TCERG1L: variants seen among roughly 807,000 people sequenced by gnomAD.
TCERG1L encodes transcription elongation regulator 1-like protein.
TCERG1L carries 37 observed loss-of-function variants against 56.3 expected under a neutral mutation model. That is an observed-to-expected ratio of 0.66 (90% confidence interval 0.51 to 0.87). TCERG1L has a LOEUF of 0.87. Among genes scored for constraint, TCERG1L ranks in the 40% least tolerant of loss-of-function variants. The pLI, the probability that TCERG1L is intolerant of heterozygous loss-of-function variation, is 0.00. For synonymous variants in TCERG1L, 324 were observed against 326.3 expected, an observed-to-expected ratio of 0.99 and a Z score of 0.08; for missense variants, 799 against 774.2, an observed-to-expected ratio of 1.03 and a Z score of -0.38.
chr10:131,293,146 C>T lies in TCERG1L; in HGVS notation c.670+15065G>A, dbSNP rs1030294086. 1.2e-4 allele frequency among the ~76,000 whole-genome samples: 18 copies of T among 152,132 alleles called. 1 individual carries two copies. The highest frequency in any genetic ancestry group is 4.1e-4 in the African/African-American group (17 of 41,442). On this transcript the variant is annotated intron_variant, in intron 3 of 11. Coordinates refer to ENST00000368642, the MANE Select transcript of TCERG1L (RefSeq NM_174937.4). ...GATTAAAGGCATGAGCCACTATGCCCGGTCTTATTTCTGTTTTTAAAATCG... is the reference window on the plus strand; with the variant it reads ...GATTAAAGGCATGAGCCACTATGCCTGGTCTTATTTCTGTTTTTAAAATCG...
At position 131,311,670 on chromosome 10, in the gene TCERG1L, G is replaced by T. The variant is rs1398291669; in HGVS notation, c.-35C>A. 2.1e-5 allele frequency: 22 copies of T among 1,068,370 alleles called. No homozygotes were observed. Among genetic ancestry groups the T allele is most frequent in the Admixed American group, 5.1e-5 (1 of 19,490 alleles). The allele number at this position is 1,068,370 out of a possible 1,614,324, so 66.2% of individuals were successfully genotyped here. ...CCGCGCTGACGGCGGCGGCGGGGGC[G>T]GCGGGCGCCCGAGATGCTGGGCCGG... On this transcript the variant is annotated 5_prime_UTR_variant, in exon 1 of 12. Coordinates refer to ENST00000368642, the MANE Select transcript of TCERG1L (RefSeq NM_174937.4). This position sits in a 1 kb window ranked among gnomAD's most constrained non-coding sequence, Gnocchi z 4.0.
intron 3 of TCERG1L, among the ~76,000 whole-genome samples, chr10:131,269,603 G>A (rs914576296): frequency 3.3e-5 from 5 of 152,196 alleles, no homozygotes; most frequent in Non-Finnish European, 7.3e-5. Context: ...GACATTGATA[G>A]ATTAACCTCC....
intron 7 of TCERG1L, among the ~76,000 whole-genome samples, chr10:131,145,461 G>A (rs539398722): frequency 6.6e-6 from 1 of 152,322 alleles, no homozygotes; most frequent in African/African-American, 2.4e-5. Context: ...AGTTGATCCA[G>A]TCTCTGGATA....
rs746580995 is a variant in TCERG1L at position 131,103,036 on chromosome 10, G to A, written c.1485+1229C>T. The stretch of plus-strand genomic sequence containing the variant: ...CTCTAATCAATTCCGTGTTTTCTGG[G>A]TGGCGTTTTGTAGAACTCCACCCTT... On this transcript the variant is annotated intron_variant, in intron 10 of 11. Transcript: ENST00000368642. The surrounding 1 kb of genome is among the most constrained non-coding windows in gnomAD (Gnocchi z 4.3). 6.6e-6 allele frequency among the ~76,000 whole-genome samples: 1 copy of A among 151,894 alleles called. No homozygotes were observed. Among genetic ancestry groups the A allele is most frequent in the African/African-American group, 2.4e-5 (1 of 41,372 alleles).
At chr10:131,262,433 C>T (rs560397287) in intron 3 of TCERG1L, among the ~76,000 whole-genome samples, 103 of 152,264 alleles carry the variant, frequency 6.8e-4, no homozygotes, top group African/African-American at 2.1e-3. Context: ...GGCAGAATTA[C>T]GGCTGATTTT....
At chr10:131,099,086 G>A (rs183472680) in intron 10 of TCERG1L, among the ~76,000 whole-genome samples, 1 of 152,282 alleles carries the variant, frequency 6.6e-6, no homozygotes, top group Non-Finnish European at 1.5e-5. Flanking sequence ...GAAACAACTG[G>A]CCAGGAGGCC....
rs1845995487 is a variant in TCERG1L, at chr10:131,163,190, C to T, written c.966G>A (p.Gly322=). 2 of 1,558,570 alleles carry T rather than the reference C, an allele frequency of 1.3e-6. No homozygotes were observed. The highest frequency in any genetic ancestry group is 2.0e-5 in the Admixed American group (1 of 50,858). Reference sequence around the variant, plus strand: ...CTCTGGCTGTGCTGTCCTCTCCTCCCCCCAGCATCGGTGGAGGCTCCTTTC... The same window carrying T: ...CTCTGGCTGTGCTGTCCTCTCCTCCTCCCAGCATCGGTGGAGGCTCCTTTC... The part of the protein sequence containing the change: ...KEDKEPPPML[G]GGEDSTARGN... The change falls in exon 6 of 12, where the codon GGG becomes GGA. Residue 322 remains glycine (G), a synonymous_variant. Coordinates refer to ENST00000368642, the MANE Select transcript of TCERG1L (RefSeq NM_174937.4).
intron 4 of TCERG1L, among the ~76,000 whole-genome samples, chr10:131,259,664 C>T (rs975484850): frequency 1.3e-5 from 2 of 152,218 alleles, no homozygotes; most frequent in Non-Finnish European, 2.9e-5. Context: ...GGCCACCCTC[C>T]GGGCCCCTGC....
In TCERG1L at chr10:131,311,211, G is replaced by T. The variant is rs1846890578; in HGVS notation, c.342+83C>A. 3 of 1,099,258 alleles carry T rather than the reference G, an allele frequency of 2.7e-6. No homozygotes were observed. Among genetic ancestry groups the T allele is most frequent in the Non-Finnish European group, 3.4e-6 (3 of 881,902 alleles). The allele number at this position is 1,099,258 out of a possible 1,614,324, so 68.1% of individuals were successfully genotyped here. The stretch of plus-strand genomic sequence containing the variant: ...GCCGGGGAGGAGGGCGCGCGAGCCG[G>T]AGGCCAGAGCCGGGCCGGGCAGGGC... On this transcript the variant is annotated intron_variant, in intron 1 of 11. Transcript: ENST00000368642. This position sits in a 1 kb window ranked among gnomAD's most constrained non-coding sequence, Gnocchi z 4.0.
In TCERG1L at chr10:131,267,485, C is replaced by T. The variant is rs1846299193; in HGVS notation, c.671-7041G>A. On this transcript the variant is annotated intron_variant, in intron 3 of 11. Coordinates refer to ENST00000368642, the MANE Select transcript of TCERG1L (RefSeq NM_174937.4). This position sits in a 1 kb window ranked among gnomAD's most constrained non-coding sequence, Gnocchi z 4.9. ...ACTGCCAACTTGAGGGGGGTCATGGCTCCTGCCTGTCCCAGCTCTGCAAAG... is the reference window on the plus strand; with the variant it reads ...ACTGCCAACTTGAGGGGGGTCATGGTTCCTGCCTGTCCCAGCTCTGCAAAG... Among the ~76,000 whole-genome samples the T allele has an allele frequency of 6.6e-6, 1 of 152,240 alleles. No homozygotes were observed. Among genetic ancestry groups the T allele is most frequent in the African/African-American group, 2.4e-5 (1 of 41,456 alleles).
chr10:131,183,881 T>G (rs1330485661), intron 4 of TCERG1L, among the ~76,000 whole-genome samples: 2 of 152,264 alleles, frequency 1.3e-5, no homozygotes, highest in African/African-American at 4.8e-5. Flanking sequence ...GGGTGTGGCA[T>G]GCTGAGCATC....
intron 4 of TCERG1L, among the ~76,000 whole-genome samples, chr10:131,223,607 T>G (rs1439504574): frequency 6.6e-6 from 1 of 151,952 alleles, no homozygotes; most frequent in East Asian, 1.9e-4. Flanking sequence ...CTCACCCACA[T>G]GCTCACACAC....
At chr10:131,201,219 C>G (rs1041704601) in intron 4 of TCERG1L, among the ~76,000 whole-genome samples, 1 of 152,104 alleles carries the variant, frequency 6.6e-6, no homozygotes, top group Non-Finnish European at 1.5e-5. Flanking sequence ...AAAGTGAGCC[C>G]CCAAAACACA....
At chr10:131,259,573 G>C (rs1846211509) in intron 4 of TCERG1L, among the ~76,000 whole-genome samples, 1 of 152,224 alleles carries the variant, frequency 6.6e-6, no homozygotes, top group Admixed American at 6.5e-5. Flanking sequence ...AGGGACAACA[G>C]AGCTGCAGAT....
At chr10:131,256,994 A>AAGGAAGGAAGGG (rs1554897149) in intron 4 of TCERG1L, among the ~76,000 whole-genome samples, 4 of 69,080 alleles carry the variant, frequency 5.8e-5, no homozygotes, top group African/African-American at 2.1e-4. Flanking sequence ...GGAAGGAAGG[A>AAGGAAGGAAGGG]AAGAAAGAAA....
chr10:131,276,436 G>A lies in TCERG1L; in HGVS notation c.671-15992C>T, dbSNP rs11017858. Among the ~76,000 whole-genome samples, 953 of 152,288 alleles carry A rather than the reference G, an allele frequency of 6.3e-3. 7 individuals are homozygous for A. The highest frequency in any genetic ancestry group is 0.037 in the Middle Eastern group (11 of 294). On this transcript the variant is annotated intron_variant, in intron 3 of 11. Coordinates refer to ENST00000368642, the MANE Select transcript of TCERG1L (RefSeq NM_174937.4). ...TCTTTAATGCATTAAGCAAAACTCC[G>A]CTGTTTATCATCAGGCAGCTGTTTT... is the stretch of plus-strand genomic sequence containing the variant.
chr10:131,190,788 T>C (rs1247372774), intron 4 of TCERG1L, among the ~76,000 whole-genome samples: 1 of 144,212 alleles, frequency 6.9e-6, no homozygotes, highest in Non-Finnish European at 1.5e-5. Flanking sequence ...GCTGAAAGCA[T>C]TCTCCCTGAG....
intron 3 of TCERG1L, among the ~76,000 whole-genome samples, chr10:131,306,138 G>A (rs1243262621): frequency 6.6e-6 from 1 of 151,994 alleles, no homozygotes. Flanking sequence ...ACTTGTCCCC[G>A]TTCTTATCCC....
At chr10:131,177,205 GAC>G (rs1845106515) in intron 4 of TCERG1L, among the ~76,000 whole-genome samples, 1 of 39,004 alleles carries the variant, frequency 2.6e-5, no homozygotes, top group Non-Finnish European at 5.8e-5. Context: ...GACACATGCA[GAC>G]ACAAGCACAC....
Sources: allele counts gnomAD v4.1 joint callset (sites outside exome capture counted in the v4.1 genomes callset), GRCh38; gene constraint gnomAD v4.1.1; non-coding constraint Gnocchi (gnomAD v3.1); transcripts MANE v1.5; gene names NCBI Gene and HGNC (gene_info 2026-07-23, HGNC 2026-07-21).